The following NAA16 variants were observed in gnomAD, a reference collection of about 807,000 sequenced individuals.
NAA16 encodes N-alpha-acetyltransferase 16, NatA auxiliary subunit, also known as NARG1-like protein.
Under a neutral mutation model 110.3 loss-of-function variants are expected in NAA16, and 97 were observed. The observed-to-expected ratio is 0.88, with a 90% CI of 0.75 to 1.04. NAA16 has a LOEUF of 1.04. NAA16 is among the 50% of genes least tolerant of loss of function. NAA16 has a pLI of 0.00. For missense variants in NAA16, 1,017 were observed against 1,005.1 expected, an observed-to-expected ratio of 1.01 and a Z score of -0.16; for synonymous variants, 372 against 330.6, an observed-to-expected ratio of 1.13 and a Z score of -1.36.
At chr13:41,315,715 G>T (rs2041790950) in intron 1 of NAA16, among the ~76,000 whole-genome samples, 1 of 152,070 alleles carries the variant, frequency 6.6e-6, no homozygotes, top group Non-Finnish European at 1.5e-5. Flanking sequence ...TCATTCTTGC[G>T]GTAGCAAAGG....
At chr13:41,317,500 G>C (rs1309944696) in intron 2 of NAA16, among the ~76,000 whole-genome samples, 1 of 152,170 alleles carries the variant, frequency 6.6e-6, no homozygotes, top group Non-Finnish European at 1.5e-5. Flanking sequence ...GATCAGGATA[G>C]ACATGAAAAT....
At chr13:41,352,040 T>C (rs533995994) in intron 9 of NAA16, among the ~76,000 whole-genome samples, 1 of 152,316 alleles carries the variant, frequency 6.6e-6, no homozygotes, top group South Asian at 2.1e-4. Flanking sequence ...ACTTAATTAC[T>C]GAATGAGAAG....
At chr13:41,359,019 T>G (rs188919557) in intron 12 of NAA16, 57 bp downstream of exon 12, 1 of 1,429,078 alleles carries the variant, frequency 7.0e-7, no homozygotes, top group African/African-American at 1.4e-5. Flanking sequence ...TTTGTGAAGT[T>G]TGTCTAAATT....
intron 14 of NAA16, among the ~76,000 whole-genome samples, chr13:41,368,519 C>G (rs1407011744): frequency 6.6e-6 from 1 of 152,030 alleles, no homozygotes; most frequent in Non-Finnish European, 1.5e-5. Flanking sequence ...CAATTTTGTT[C>G]TAGTCACTGG....
At chr13:41,332,340 T>C (rs2042261601) in intron 8 of NAA16, among the ~76,000 whole-genome samples, 1 of 152,190 alleles carries the variant, frequency 6.6e-6, no homozygotes, top group African/African-American at 2.4e-5. Context: ...TCCATGTATT[T>C]TGTATTCCTG....
In NAA16 at chr13:41,367,509, C is replaced by G; in HGVS notation, c.1610C>G (p.Ala537Gly). ...TGCATGAGAAAGATGACCCTTCGTG[C>G]CTATGTTGACCTTTTGAGATTAGAA... ...TYCMRKMTLR[A>G]YVDLLRLEDI... Residue 537 changes from alanine to glycine, a missense_variant, in exon 14 of 20, where the codon GCC becomes GGC. Ala to Gly is a moderately conservative substitution (Grantham distance 60). Transcript: ENST00000379406. 1 of 1,613,040 alleles carries G rather than the reference C, an allele frequency of 6.2e-7. No individual in the cohort carries two copies. The highest frequency in any genetic ancestry group is 1.3e-5 in the African/African-American group (1 of 74,926).
intron 9 of NAA16, among the ~76,000 whole-genome samples, chr13:41,348,760 C>T (rs1176813043): frequency 6.6e-6 from 1 of 152,060 alleles, no homozygotes; most frequent in African/African-American, 2.4e-5. Context: ...TTACCATTTA[C>T]CAGTGAAGTC....
In NAA16 at chr13:41,372,502, T is replaced by C. The variant is rs76778424; in HGVS notation, c.2056+191T>C. ...AGTACTATCAAATCCAGTGTAAGAATAGTTTGAACAACCATACAAATTGTC... is the reference window on the plus strand; with the variant it reads ...AGTACTATCAAATCCAGTGTAAGAACAGTTTGAACAACCATACAAATTGTC... On this transcript the variant is annotated intron_variant, in intron 16 of 19. Coordinates refer to ENST00000379406, the MANE Select transcript of NAA16 (RefSeq NM_024561.5). 1.2e-3 allele frequency: 1,224 copies of C among 985,364 alleles called. 37 individuals carry two copies. In the Admixed American group the frequency reaches 0.048, roughly 39 times the overall value. 61.0% of individuals were successfully genotyped at this position (985,364 alleles called of 1,614,324 possible).
At chr13:41,346,087 C>T (rs1281287532) in intron 9 of NAA16, among the ~76,000 whole-genome samples, 4 of 152,140 alleles carry the variant, frequency 2.6e-5, no homozygotes, top group Non-Finnish European at 5.9e-5. Context: ...CCAAGTCCAA[C>T]GTCATGAAGA....
At chr13:41,331,433 T>A in intron 8 of NAA16, 64 bp downstream of exon 8, 2 of 1,194,714 alleles carry the variant, frequency 1.7e-6, no homozygotes, top group South Asian at 2.8e-5. Flanking sequence ...TTATTTATAT[T>A]TTAGAAACGT....
intron 17 of NAA16, chr13:41,373,340 C>T (rs1425998732): frequency 2.2e-5 from 8 of 371,198 alleles, no homozygotes; most frequent in East Asian, 1.6e-4. Context: ...TCACTGCAAC[C>T]TCCACCTCCC....
At chr13:41,367,368 A>AT (rs915506624) in intron 13 of NAA16, 71 bp from the exon 14 acceptor site, 14,799 of 988,436 alleles carry the variant, frequency 0.015, no homozygotes, top group Non-Finnish European at 0.017. Context: ...GCTTTTTACA[A>AT]TTTTTTTTTT....
chr13:41,374,965 T>C, intron 19 of NAA16, 126 bp downstream of exon 19: 2 of 630,874 alleles, frequency 3.2e-6, no homozygotes, highest in Non-Finnish European at 5.6e-6. Flanking sequence ...CTATCAATTA[T>C]GAGATGCGTA....
At chr13:41,358,530 C>T (rs1421643923) in intron 11 of NAA16, 57 bp downstream of exon 11, 1 of 1,592,678 alleles carries the variant, frequency 6.3e-7, no homozygotes, top group African/African-American at 1.4e-5. Flanking sequence ...TTTAAGAATC[C>T]TTGGAGTTTT....
chr13:41,331,123 G>C (rs1260673631), intron 7 of NAA16, 151 bp from the exon 8 acceptor site: 2 of 509,386 alleles, frequency 3.9e-6, no homozygotes, highest in Admixed American at 7.1e-5. Context: ...TGCCACCACA[G>C]AGTTTTAAAT....
intron 15 of NAA16, among the ~76,000 whole-genome samples, chr13:41,370,339 GAA>G (rs1268773179): frequency 6.6e-6 from 1 of 151,910 alleles, no homozygotes; most frequent in Non-Finnish European, 1.5e-5. Flanking sequence ...TTTTAATGTA[GAA>G]AAAAAGTGCT....
At chr13:41,345,903 A>G (rs1404130042) in intron 9 of NAA16, among the ~76,000 whole-genome samples, 1 of 152,220 alleles carries the variant, frequency 6.6e-6, no homozygotes, top group Non-Finnish European at 1.5e-5. Flanking sequence ...TCTAGATACA[A>G]GTCTCTCATC....
At chr13:41,367,380 TAAAGG>T in intron 13 of NAA16, 54 bp from the exon 14 acceptor site, 1 of 1,240,018 alleles carries the variant, frequency 8.1e-7, no homozygotes. Context: ...TTTTTTTTTC[TAAAGG>T]TAGACATTAT....
At chr13:41,343,633 G>T (rs1199911232) in intron 9 of NAA16, among the ~76,000 whole-genome samples, 1 of 152,152 alleles carries the variant, frequency 6.6e-6, no homozygotes, top group Non-Finnish European at 1.5e-5. Flanking sequence ...GGGTTCAAGT[G>T]ATTCTCCTGC....
Sources: allele counts gnomAD v4.1 joint callset (sites outside exome capture counted in the v4.1 genomes callset), GRCh38; gene constraint gnomAD v4.1.1; transcripts MANE v1.5; gene names NCBI Gene and HGNC (gene_info 2026-07-23, HGNC 2026-07-21).